NELL1: variants seen among roughly 807,000 people sequenced by gnomAD.
NELL1 encodes neural EGFL like 1.
In NELL1, 76 loss-of-function variants were observed where a neutral mutation model predicts 107.4. The observed-to-expected ratio is 0.71, with a 90% confidence interval of 0.59 to 0.86. The LOEUF (loss-of-function observed/expected upper bound fraction) is 0.86. Among genes scored for constraint, NELL1 ranks in the 40% least tolerant of loss-of-function variants. The pLI is 0.00. For synonymous variants in NELL1, 353 were observed against 341.2 expected, an observed-to-expected ratio of 1.03 and a Z score of -0.38; for missense variants, 1,024 against 1,005.5, an observed-to-expected ratio of 1.02 and a Z score of -0.25.
At chr11:21,284,373 A>G (rs1226407724) in intron 14 of NELL1, 1 of 457,198 alleles carries the variant, frequency 2.2e-6, no homozygotes, top group Non-Finnish European at 4.4e-6. Context: ...ACTAAGGCCA[A>G]GTCTTTGTGC....
chr11:20,899,277 A>G (rs1205281102), intron 5 of NELL1, among the ~76,000 whole-genome samples: 2 of 152,160 alleles, frequency 1.3e-5, no homozygotes, highest in East Asian at 3.8e-4. Flanking sequence ...AAAATGATAC[A>G]TAGACCATAT....
chr11:21,258,544 G>C (rs1858826935), intron 14 of NELL1, among the ~76,000 whole-genome samples: 1 of 151,866 alleles, frequency 6.6e-6, no homozygotes, highest in South Asian at 2.1e-4. Context: ...TTGAAGAAAG[G>C]CAGGCAGGAG....
intron 5 of NELL1, among the ~76,000 whole-genome samples, chr11:20,900,116 C>T (rs2134130518): frequency 1.3e-5 from 2 of 152,254 alleles, no homozygotes; most frequent in South Asian, 4.1e-4. Flanking sequence ...CTTTGATCAG[C>T]TGCTGGGGTT....
intron 14 of NELL1, among the ~76,000 whole-genome samples, chr11:21,290,398 G>A (rs4923517): frequency 0.019 from 2,771 of 146,428 alleles, 82 homozygotes; most frequent in African/African-American, 0.066. Flanking sequence ...AAAATAAATA[G>A]ATAAATAAAT....
intron 12 of NELL1, among the ~76,000 whole-genome samples, chr11:20,962,917 G>T (rs1232660500): frequency 6.6e-6 from 1 of 152,132 alleles, no homozygotes; most frequent in African/African-American, 2.4e-5. Context: ...GCTAAACATT[G>T]GACCCCTCCT....
At chr11:20,824,213 C>T (rs544092012) in intron 3 of NELL1, among the ~76,000 whole-genome samples, 8 of 151,276 alleles carry the variant, frequency 5.3e-5, no homozygotes, top group East Asian at 1.9e-4. Flanking sequence ...TGAAGAAGGA[C>T]GTATTTGCTT....
chr11:21,248,349 A>AAGAAAAG (rs532849728), intron 14 of NELL1, among the ~76,000 whole-genome samples: 3 of 151,624 alleles, frequency 2.0e-5, no homozygotes, highest in Admixed American at 1.3e-4. Flanking sequence ...GTCAAAAAAA[A>AAGAAAAG]AAAAGAAAAG....
chr11:20,762,064 A>T (rs987482655), intron 2 of NELL1, among the ~76,000 whole-genome samples: 2 of 152,198 alleles, frequency 1.3e-5, no homozygotes, highest in Non-Finnish European at 2.9e-5. Context: ...CACTTTGTGG[A>T]TTAGTCTGTG....
chr11:21,437,826 G>A (rs1051034697), intron 15 of NELL1, among the ~76,000 whole-genome samples: 5 of 152,074 alleles, frequency 3.3e-5, no homozygotes, highest in African/African-American at 7.2e-5. Flanking sequence ...GCATATTTGG[G>A]TCTTTTTTTA....
chr11:21,064,543 AT>A (rs1180344721), intron 12 of NELL1, among the ~76,000 whole-genome samples: 5 of 152,274 alleles, frequency 3.3e-5, no homozygotes, highest in Middle Eastern at 3.4e-3. Context: ...CTTCTAGGCT[AT>A]GGTAAAAAGT....
At chr11:20,915,700 G>GATAT (rs369114547) in intron 5 of NELL1, among the ~76,000 whole-genome samples, 1 of 29,454 alleles carries the variant, frequency 3.4e-5, no homozygotes, top group East Asian at 1.8e-3. Context: ...CCTCATAGAT[G>GATAT]ATATATATAT....
chr11:21,574,049 C>T (rs1344357457), intron 19 of NELL1, among the ~76,000 whole-genome samples: 1 of 151,776 alleles, frequency 6.6e-6, no homozygotes, highest in Admixed American at 6.6e-5. Context: ...CATTCTCTCC[C>T]TTCAAAGCTC....
intron 12 of NELL1, among the ~76,000 whole-genome samples, chr11:21,098,694 G>A (rs1854716849): frequency 6.6e-6 from 1 of 152,166 alleles, no homozygotes; most frequent in Non-Finnish European, 1.5e-5. Context: ...GGAAGAAGAA[G>A]CTGTCATTGA....
intron 14 of NELL1, among the ~76,000 whole-genome samples, chr11:21,323,062 A>G (rs899712575): frequency 8.5e-5 from 13 of 152,198 alleles, no homozygotes; most frequent in Non-Finnish European, 1.8e-4. Flanking sequence ...TCTCTAATGC[A>G]TGGAGTTTAA....
intron 17 of NELL1, among the ~76,000 whole-genome samples, chr11:21,568,684 C>G (rs1442145340): frequency 6.6e-6 from 1 of 151,558 alleles, no homozygotes; most frequent in Non-Finnish European, 1.5e-5. Context: ...ACACCTTAAC[C>G]TAGGTCTCCA....
intron 15 of NELL1, among the ~76,000 whole-genome samples, chr11:21,531,172 A>G (rs1397909158): frequency 6.6e-6 from 1 of 151,992 alleles, no homozygotes; most frequent in Non-Finnish European, 1.5e-5. Context: ...ACAAAACACA[A>G]ACACACACAC....
chr11:21,212,013 A>G (rs548723611), intron 13 of NELL1, among the ~76,000 whole-genome samples: 4 of 152,146 alleles, frequency 2.6e-5, no homozygotes, highest in Non-Finnish European at 4.4e-5. Context: ...TTTAGTAGAG[A>G]TGGGGTTTCA....
At chr11:20,879,037 G>A (rs943948426) in intron 4 of NELL1, among the ~76,000 whole-genome samples, 1 of 152,188 alleles carries the variant, frequency 6.6e-6, no homozygotes, top group Non-Finnish European at 1.5e-5. Flanking sequence ...CAGGAATGCT[G>A]TGGTCAGTGT....
intron 15 of NELL1, among the ~76,000 whole-genome samples, chr11:21,475,326 C>A (rs1209843486): frequency 2.0e-5 from 3 of 152,046 alleles, no homozygotes; most frequent in Non-Finnish European, 4.4e-5. Context: ...TATTTATGTG[C>A]CACATGTCCC....
Sources: allele counts gnomAD v4.1 joint callset (sites outside exome capture counted in the v4.1 genomes callset), GRCh38; gene constraint gnomAD v4.1.1; transcripts MANE v1.5; gene names NCBI Gene and HGNC (gene_info 2026-07-23, HGNC 2026-07-21).